ANKRD30B: variants seen among roughly 807,000 people sequenced by gnomAD.
ANKRD30B encodes ankyrin repeat domain-containing protein 30B.
ANKRD30B carries 144 observed loss-of-function variants against 202.2 expected under a neutral mutation model. The ratio of observed to expected loss-of-function variants is 0.71; its 90% CI spans 0.62 to 0.82. ANKRD30B has a LOEUF of 0.82. Ranked by LOEUF, ANKRD30B falls within the 40% of genes least tolerant of loss-of-function variation. ANKRD30B has a pLI of 0.00. For synonymous variants in ANKRD30B, 508 were observed against 561.3 expected (o/e 0.91, Z 1.34); for missense variants, 1,487 against 1,669.1 (o/e 0.89, Z 1.90).
At chr18:14,749,327 T>C (rs3903023) in intron 1 of ANKRD30B, among the ~76,000 whole-genome samples, 10,939 of 152,232 alleles carry the variant, frequency 0.072, 575 homozygotes, top group East Asian at 0.23. Context: ...AAATATTTTG[T>C]AATGGAGTAG....
intron 5 of ANKRD30B, among the ~76,000 whole-genome samples, chr18:14,758,568 A>G (rs1157796409): frequency 1.3e-5 from 2 of 152,174 alleles, no homozygotes; most frequent in Non-Finnish European, 1.5e-5. Flanking sequence ...GTTCACATAC[A>G]TATTCTCAGC....
At chr18:14,788,776 T>C (rs1221992719) in intron 15 of ANKRD30B, among the ~76,000 whole-genome samples, 3 of 152,000 alleles carry the variant, frequency 2.0e-5, no homozygotes, top group Non-Finnish European at 4.4e-5. Context: ...TGCCACATTT[T>C]CTTAATCCAG....
chr18:14,759,430 A>T (rs1224242430), intron 5 of ANKRD30B: 1 of 152,234 alleles, frequency 6.6e-6, no homozygotes, highest in African/African-American at 2.4e-5. Context: ...ATGAAATGAG[A>T]TGTGGTAACA....
chr18:14,842,954 T>A (rs1359414429), intron 38 of ANKRD30B, 29 bp downstream of exon 38: 18 of 1,546,784 alleles, frequency 1.2e-5, no homozygotes. Context: ...TTATCTTGCA[T>A]TATTTATTAA....
chr18:14,797,453 G>A (rs1309418396), intron 18 of ANKRD30B, among the ~76,000 whole-genome samples: 2 of 152,148 alleles, frequency 1.3e-5, no homozygotes, highest in Non-Finnish European at 2.9e-5. Context: ...CAGGAGCATT[G>A]CATCTTTTAT....
chr18:14,901,803 G>C, the ANKRD30B span, among the ~76,000 whole-genome samples: 1 of 152,152 alleles, frequency 6.6e-6, no homozygotes, highest in Admixed American at 6.6e-5. Flanking sequence ...TGATTGAGAT[G>C]TCATATTTTC....
chr18:14,887,324 GC>G, the ANKRD30B span, among the ~76,000 whole-genome samples: 2 of 152,008 alleles, frequency 1.3e-5, no homozygotes, highest in East Asian at 3.9e-4. Flanking sequence ...TTTCAGTGTT[GC>G]CACCTTTTGA....
the ANKRD30B span, among the ~76,000 whole-genome samples, chr18:14,883,085 G>A: frequency 1.3e-5 from 2 of 152,074 alleles, no homozygotes; most frequent in Admixed American, 6.6e-5. Context: ...AAACCTAGGG[G>A]CAGGAAGGGC....
chr18:14,914,911 C>T, the ANKRD30B span, among the ~76,000 whole-genome samples: 6 of 152,100 alleles, frequency 3.9e-5, no homozygotes, highest in South Asian at 2.1e-4. Flanking sequence ...AGTGTGTCAT[C>T]CACATATGGT....
chr18:14,793,899 A>AAAAAG (rs1968696988), intron 16 of ANKRD30B, among the ~76,000 whole-genome samples: 1 of 152,104 alleles, frequency 6.6e-6, no homozygotes, highest in South Asian at 2.1e-4. Flanking sequence ...GACAAAAGAA[A>AAAAAG]AAAAAAAAAT....
chr18:14,806,466 T>C (rs1248407255), intron 24 of ANKRD30B, among the ~76,000 whole-genome samples: 1 of 151,038 alleles, frequency 6.6e-6, no homozygotes, highest in Non-Finnish European at 1.5e-5. Context: ...AGCCATGCCA[T>C]GTGACCCGTC....
chr18:14,940,014 G>A, the ANKRD30B span, among the ~76,000 whole-genome samples: 1 of 152,314 alleles, frequency 6.6e-6, no homozygotes, highest in Non-Finnish European at 1.5e-5. Flanking sequence ...AATATAGAAA[G>A]CCGACATCGT....
chr18:14,859,072 G>A (rs1460881936), downstream of ANKRD30B, among the ~76,000 whole-genome samples: 1 of 133,668 alleles, frequency 7.5e-6, no homozygotes, highest in Non-Finnish European at 1.7e-5. Context: ...GGGTGGCCGG[G>A]CAGAGGCGCT....
chr18:14,932,393 G>A, the ANKRD30B span, among the ~76,000 whole-genome samples: 2,206 of 152,118 alleles, frequency 0.015, 58 homozygotes, highest in African/African-American at 0.051. Flanking sequence ...CTGGAGTGGC[G>A]TGGCGCGATC....
chr18:14,882,580 T>C, the ANKRD30B span, among the ~76,000 whole-genome samples: 1 of 152,128 alleles, frequency 6.6e-6, no homozygotes, highest in African/African-American at 2.4e-5. Context: ...GTGTATTCTG[T>C]GGTTGTTGGA....
At chr18:14,815,447 C>T (rs546897613) in intron 30 of ANKRD30B, among the ~76,000 whole-genome samples, 1 of 152,126 alleles carries the variant, frequency 6.6e-6, no homozygotes, top group Non-Finnish European at 1.5e-5. Flanking sequence ...GCTGGTGGTC[C>T]TTGGACCTCA....
In ANKRD30B at chr18:14,820,101, T is replaced by G. The variant is rs1446040730; in HGVS notation, c.2642-2382T>G. 8.5e-5 allele frequency among the ~76,000 whole-genome samples: 13 copies of G among 152,226 alleles called. No homozygotes were observed. The Middle Eastern group carries it at 0.014, about 159-fold the overall frequency. On this transcript the variant is annotated intron_variant, in intron 30 of 43. Transcript: ENST00000690538. ...ACATCCCTTGTAAGTTGGATTCCTA[T>G]TTATTTTATTCTCTTTGAAGCAATT...
the ANKRD30B span, among the ~76,000 whole-genome samples, chr18:14,876,346 G>C: frequency 1.3e-5 from 2 of 152,214 alleles, no homozygotes; most frequent in African/African-American, 2.4e-5. Flanking sequence ...TAAGTGCTAA[G>C]CTGCATGGCA....
At chr18:14,835,761 T>G (rs893614542) in intron 34 of ANKRD30B, among the ~76,000 whole-genome samples, 1 of 151,940 alleles carries the variant, frequency 6.6e-6, no homozygotes, top group Non-Finnish European at 1.5e-5. Context: ...GCATGTGAAT[T>G]TTAAAACAGA....
Sources: allele counts gnomAD v4.1 joint callset (sites outside exome capture counted in the v4.1 genomes callset), GRCh38; gene constraint gnomAD v4.1.1; transcripts MANE v1.5; gene names NCBI Gene and HGNC (gene_info 2026-07-23, HGNC 2026-07-21).